The following EIPR1 variants were observed in gnomAD, a reference collection of about 807,000 sequenced individuals.
EIPR1 encodes EARP complex and GARP complex interacting protein 1.
EIPR1 carries 25 observed loss-of-function variants against 48.1 expected under a neutral mutation model. The ratio of observed to expected loss-of-function variants is 0.52; its 90% CI spans 0.38 to 0.73. EIPR1 has a LOEUF of 0.73. EIPR1 is among the 30% of genes least tolerant of loss of function. The pLI is 0.00. For synonymous variants in EIPR1, 204 were observed against 201.9 expected (o/e 1.01, Z -0.09); for missense variants, 415 against 506.2 (o/e 0.82, Z 1.73).
intron 2 of EIPR1, among the ~76,000 whole-genome samples, chr2:3,345,089 C>T (rs1268826379): frequency 6.6e-6 from 1 of 152,112 alleles, no homozygotes; most frequent in African/African-American, 2.4e-5. Context: ...GCACGTTGCT[C>T]AGAACTGTGC....
chr2:3,299,721 A>T lies in EIPR1; in HGVS notation c.259+38296T>A, dbSNP rs1162029103. Among the ~76,000 whole-genome samples, 4 of 151,940 alleles carry T rather than the reference A, an allele frequency of 2.6e-5. No individual in the cohort carries two copies. In the East Asian group the frequency reaches 7.8e-4, roughly 30 times the overall value. Reference sequence around the variant, plus strand: ...CTTCTTAGGTTTTGCCAAATCACGGAAGACAGACAACCTGGCAGTTTACAT... The same window carrying T: ...CTTCTTAGGTTTTGCCAAATCACGGTAGACAGACAACCTGGCAGTTTACAT... On this transcript the variant is annotated intron_variant, in intron 3 of 8. Transcript: ENST00000382125.
At chr2:3,287,938 T>C (rs891301402) in intron 3 of EIPR1, among the ~76,000 whole-genome samples, 4 of 152,168 alleles carry the variant, frequency 2.6e-5, no homozygotes, top group African/African-American at 9.6e-5. Context: ...CAAGGTCGTG[T>C]GCAGAGGGTA....
intron 1 of EIPR1, among the ~76,000 whole-genome samples, chr2:3,368,021 G>A (rs1396073817): frequency 1.3e-5 from 2 of 152,038 alleles, no homozygotes; most frequent in Non-Finnish European, 2.9e-5. Flanking sequence ...CTCCAGCCCG[G>A]GTGACAGAGC....
At chr2:3,302,272 G>A (rs896556577) in intron 3 of EIPR1, among the ~76,000 whole-genome samples, 35 of 152,140 alleles carry the variant, frequency 2.3e-4, no homozygotes, top group African/African-American at 7.7e-4. Context: ...CAGAGTCACC[G>A]CCTGATATTC....
chr2:3,303,695 G>A (rs895947737), intron 3 of EIPR1, among the ~76,000 whole-genome samples: 1 of 152,204 alleles, frequency 6.6e-6, no homozygotes, highest in Non-Finnish European at 1.5e-5. Context: ...GCCAGACGCC[G>A]GCAACCTGAC....
chr2:3,211,081 C>T (rs879489375), intron 5 of EIPR1, among the ~76,000 whole-genome samples: 5 of 152,188 alleles, frequency 3.3e-5, no homozygotes, highest in Non-Finnish European at 5.9e-5. Flanking sequence ...ATGCAATTTA[C>T]CTACGTCGCA....
chr2:3,242,521 C>T (rs1027549710), intron 4 of EIPR1, among the ~76,000 whole-genome samples: 1 of 149,148 alleles, frequency 6.7e-6, no homozygotes, highest in African/African-American at 2.5e-5. Context: ...TCCACACCCA[C>T]TGACGGCTGG....
chr2:3,329,633 A>G (rs7585524), intron 3 of EIPR1, among the ~76,000 whole-genome samples: 69,014 of 146,138 alleles, frequency 0.47, 17,026 homozygotes, highest in East Asian at 0.82. Flanking sequence ...ATGCTCTAAT[A>G]ATCTCCGAGT....
intron 1 of EIPR1, among the ~76,000 whole-genome samples, chr2:3,361,331 C>CA (rs1359780340): frequency 6.6e-6 from 1 of 152,100 alleles, no homozygotes; most frequent in African/African-American, 2.4e-5. Flanking sequence ...CCCTAAGCTG[C>CA]AAGGAAAGAA....
chr2:3,334,191 C>G (rs1341359795), intron 3 of EIPR1, among the ~76,000 whole-genome samples: 1 of 152,164 alleles, frequency 6.6e-6, no homozygotes, highest in Admixed American at 6.5e-5. Context: ...CAGGCACCGG[C>G]AGGGTAAAAG....
At chr2:3,324,467 G>GA (rs1669630839) in intron 3 of EIPR1, among the ~76,000 whole-genome samples, 1 of 152,220 alleles carries the variant, frequency 6.6e-6, no homozygotes, top group Non-Finnish European at 1.5e-5. Flanking sequence ...CTCCAGGCTG[G>GA]ACTCCCAGGC....
chr2:3,247,447 T>C (rs989859588), intron 4 of EIPR1, among the ~76,000 whole-genome samples: 2 of 152,186 alleles, frequency 1.3e-5, no homozygotes, highest in Admixed American at 1.3e-4. Flanking sequence ...GTGATGATGA[T>C]GCATTGTGGA....
intron 2 of EIPR1, among the ~76,000 whole-genome samples, chr2:3,352,640 T>G (rs554775139): frequency 1.1e-4 from 16 of 152,366 alleles, no homozygotes; most frequent in African/African-American, 3.8e-4. Flanking sequence ...TCACAATGCC[T>G]ATGTCATTCC....
chr2:3,287,154 A>G (rs1038901895), intron 3 of EIPR1, among the ~76,000 whole-genome samples: 2 of 151,932 alleles, frequency 1.3e-5, no homozygotes, highest in African/African-American at 4.8e-5. Context: ...TAGAAAACTC[A>G]TTCAACATGT....
chr2:3,366,943 G>A (rs1670987674), intron 1 of EIPR1, among the ~76,000 whole-genome samples: 2 of 152,080 alleles, frequency 1.3e-5, no homozygotes, highest in South Asian at 4.1e-4. Flanking sequence ...TACTCAGGAG[G>A]CTGAGGCAGG....
chr2:3,305,864 C>CTCTGT (rs1668926955), intron 3 of EIPR1, among the ~76,000 whole-genome samples: 1 of 152,192 alleles, frequency 6.6e-6, no homozygotes, highest in Admixed American at 6.5e-5. Flanking sequence ...GGTTCATAGG[C>CTCTGT]TCTGTTCTCC....
chr2:3,192,854 A>G (rs1664656998), intron 7 of EIPR1, among the ~76,000 whole-genome samples: 1 of 124,438 alleles, frequency 8.0e-6, no homozygotes, highest in Non-Finnish European at 1.7e-5. Context: ...CATTTCAGAC[A>G]AGCTTTCTAA....
chr2:3,257,826 G>A (rs1262407307), intron 3 of EIPR1, among the ~76,000 whole-genome samples: 1 of 152,224 alleles, frequency 6.6e-6, no homozygotes, highest in Non-Finnish European at 1.5e-5. Context: ...GGTGTCTAAG[G>A]TTGGCATTAA....
intron 5 of EIPR1, among the ~76,000 whole-genome samples, chr2:3,206,068 G>T (rs1483384171): frequency 6.6e-6 from 1 of 152,160 alleles, no homozygotes. Context: ...AATGAAATCT[G>T]CTGGAGTCCC....
Sources: gnomAD v4.1 joint callset for allele counts (sites outside exome capture counted in the v4.1 genomes callset) on GRCh38, gnomAD v4.1.1 for gene constraint, MANE v1.5 for transcripts, NCBI Gene and HGNC (gene_info 2026-07-23, HGNC 2026-07-21) for gene names.